BRD10: variants seen among roughly 807,000 people sequenced by gnomAD.
The protein encoded by BRD10 is uncharacterized bromodomain-containing protein 10.
At chr9:5,948,443 T>C in the BRD10 span, among the ~76,000 whole-genome samples, 2 of 152,040 alleles carry the variant, frequency 1.3e-5, no homozygotes, top group African/African-American at 4.8e-5. Context: ...AGGTCCTCTC[T>C]TCAACTCAAC....
the BRD10 span, among the ~76,000 whole-genome samples, chr9:5,986,518 C>G: frequency 6.6e-6 from 1 of 152,076 alleles, no homozygotes; most frequent in African/African-American, 2.4e-5. Context: ...TCAAATGGTT[C>G]TAGATCTTTC....
the BRD10 span, among the ~76,000 whole-genome samples, chr9:6,001,626 T>A: frequency 6.6e-6 from 1 of 152,264 alleles, no homozygotes; most frequent in Admixed American, 6.5e-5. Context: ...GGGCTTTACA[T>A]ATTATCTAGC....
chr9:5,922,160 G>T, the BRD10 span: 1 of 1,613,880 alleles, frequency 6.2e-7, no homozygotes, highest in Non-Finnish European at 8.5e-7. Context: ...AACAAGAATT[G>T]ACTGTGAATC....
chr9:5,989,691 G>A, the BRD10 span, among the ~76,000 whole-genome samples: 235 of 151,954 alleles, frequency 1.5e-3, 1 homozygote, highest in African/African-American at 5.4e-3. Flanking sequence ...CACCACGCCT[G>A]GCTAACTTTT....
At chr9:5,914,418 T>G in the BRD10 span, among the ~76,000 whole-genome samples, 1 of 109,720 alleles carries the variant, frequency 9.1e-6, no homozygotes, top group South Asian at 3.5e-4. Flanking sequence ...TGGTTTTTTT[T>G]TTTTTTTTTT....
the BRD10 span, chr9:5,897,511 A>G: frequency 6.6e-7 from 1 of 1,522,586 alleles, no homozygotes; most frequent in Non-Finnish European, 9.1e-7. Flanking sequence ...CATAATGTAG[A>G]ACAATGTTTC....
At chr9:5,945,017 G>A in the BRD10 span, 9 of 798,198 alleles carry the variant, frequency 1.1e-5, no homozygotes, top group African/African-American at 5.4e-5. Flanking sequence ...CACCCAAAAT[G>A]TGGTAACAGA....
the BRD10 span, among the ~76,000 whole-genome samples, chr9:5,901,578 G>C: frequency 2.8e-4 from 42 of 152,108 alleles, no homozygotes; most frequent in African/African-American, 1.0e-3. Context: ...GAGTGCAGTG[G>C]CTCAATCTCA....
the BRD10 span, chr9:5,929,144 G>A: frequency 3.8e-6 from 6 of 1,565,556 alleles, no homozygotes; most frequent in African/African-American, 1.4e-5. Context: ...GCTTGCCTCC[G>A]ATGATACCAT....
the BRD10 span, among the ~76,000 whole-genome samples, chr9:5,994,085 T>C: frequency 2.7e-4 from 41 of 152,304 alleles, no homozygotes; most frequent in South Asian, 2.5e-3. Flanking sequence ...GCCTTTCAAA[T>C]AGCTCTACAG....
chr9:5,973,495 T>C, the BRD10 span, among the ~76,000 whole-genome samples: 1 of 151,906 alleles, frequency 6.6e-6, no homozygotes, highest in African/African-American at 2.4e-5. Context: ...TAACATAAAA[T>C]AAAATACATA....
the BRD10 span, among the ~76,000 whole-genome samples, chr9:5,929,340 CA>C: frequency 6.6e-6 from 1 of 152,106 alleles, no homozygotes; most frequent in Non-Finnish European, 1.5e-5. Context: ...TAACAATTCT[CA>C]ATTCTACCAG....
the BRD10 span, chr9:5,922,827 T>A: frequency 2.5e-6 from 4 of 1,613,890 alleles, no homozygotes; most frequent in Admixed American, 5.0e-5. Context: ...CCTTTTGTAT[T>A]GGTGTGGCAG....
At chr9:5,912,104 TC>T in the BRD10 span, among the ~76,000 whole-genome samples, 1 of 152,188 alleles carries the variant, frequency 6.6e-6, no homozygotes, top group African/African-American at 2.4e-5. Flanking sequence ...ATCTTTCACT[TC>T]TTAATTCTTA....
chr9:5,964,018 C>T, the BRD10 span, among the ~76,000 whole-genome samples: 40 of 152,052 alleles, frequency 2.6e-4, no homozygotes, highest in African/African-American at 9.2e-4. Flanking sequence ...GTCCAAAACA[C>T]CAAAAGCAAT....
At chr9:5,917,289 A>T in the BRD10 span, among the ~76,000 whole-genome samples, 1 of 152,256 alleles carries the variant, frequency 6.6e-6, no homozygotes, top group East Asian at 1.9e-4. Context: ...ACACGTAATA[A>T]GAACCTGTAA....
the BRD10 span, among the ~76,000 whole-genome samples, chr9:5,889,613 T>C: frequency 1.8e-4 from 27 of 152,060 alleles, no homozygotes; most frequent in African/African-American, 5.8e-4. Context: ...GGTGAAACCC[T>C]GTCTCTACTA....
the BRD10 span, among the ~76,000 whole-genome samples, chr9:5,957,880 T>C: frequency 1.3e-5 from 2 of 152,158 alleles, no homozygotes; most frequent in African/African-American, 4.8e-5. Flanking sequence ...GGACAAAATA[T>C]ATACAGGGCA....
chr9:6,007,673 A>T, the BRD10 span: 1 of 1,607,512 alleles, frequency 6.2e-7, no homozygotes, highest in South Asian at 1.1e-5. Flanking sequence ...GCCGGCCCTG[A>T]GGTCTGGGCC....
Sources: gnomAD v4.1 joint callset for allele counts (sites outside exome capture counted in the v4.1 genomes callset) on GRCh38, gnomAD v4.1.1 for gene constraint, MANE v1.5 for transcripts, NCBI Gene and HGNC (gene_info 2026-07-23, HGNC 2026-07-21) for gene names.